Variants in CAMK1D observed in about 807,000 individuals in gnomAD.
CAMK1D encodes the protein calcium/calmodulin dependent protein kinase ID, also known as calcium/calmodulin-dependent protein kinase type 1D.
A neutral mutation model predicts 47.7 loss-of-function variants in CAMK1D; 9 were observed. That is an observed-to-expected ratio of 0.19 (90% confidence interval 0.11 to 0.33). CAMK1D has a LOEUF of 0.33. Among genes scored for constraint, CAMK1D ranks in the 10% least tolerant of loss-of-function variants. The pLI is 1.00. For synonymous variants in CAMK1D, 184 were observed against 184.9 expected (o/e 0.99, Z 0.04); for missense variants, 291 against 488.7 (o/e 0.60, Z 3.81).
chr10:12,499,238 C>CA (rs1834630118), intron 1 of CAMK1D, among the ~76,000 whole-genome samples: 1 of 152,096 alleles, frequency 6.6e-6, no homozygotes, highest in Non-Finnish European at 1.5e-5. Context: ...TCTCAGTACT[C>CA]AGAGGCTGAA....
chr10:12,486,005 A>G (rs1564367791), intron 1 of CAMK1D, among the ~76,000 whole-genome samples: 1 of 152,170 alleles, frequency 6.6e-6, no homozygotes, highest in Non-Finnish European at 1.5e-5. Flanking sequence ...GTGCCACAAG[A>G]TTAGCAGAGA....
At chr10:12,357,890 T>C (rs1837563080) in intron 1 of CAMK1D, among the ~76,000 whole-genome samples, 1 of 152,138 alleles carries the variant, frequency 6.6e-6, no homozygotes, top group Non-Finnish European at 1.5e-5. Flanking sequence ...TTCTTTTTTT[T>C]TGGTTTATTA....
At chr10:12,809,287 A>G (rs1187060142) in intron 6 of CAMK1D, among the ~76,000 whole-genome samples, 1 of 152,146 alleles carries the variant, frequency 6.6e-6, no homozygotes, top group African/African-American at 2.4e-5. Flanking sequence ...TGTCATTGAG[A>G]AATCAAAAAG....
intron 1 of CAMK1D, among the ~76,000 whole-genome samples, chr10:12,536,291 A>G (rs1835967813): frequency 6.6e-6 from 1 of 150,764 alleles, no homozygotes; most frequent in African/African-American, 2.4e-5. Context: ...ATTTTATTTT[A>G]TTTTTGAGAC....
rs1017320162 is a variant in CAMK1D, at chr10:12,364,500, C to A, written c.92+14590C>A. 2.6e-5 allele frequency among the ~76,000 whole-genome samples: 4 copies of A among 152,112 alleles called. No individual in the cohort carries two copies. The East Asian group carries it at 7.7e-4, about 29-fold the overall frequency. On this transcript the variant is annotated intron_variant, in intron 1 of 10. Transcript: ENST00000619168. ...TCAGGTGATCCGCCCACCTAGGCCTCCCGAAGTACTAGGATTACAGGCCTG... is the reference window on the plus strand; with the variant it reads ...TCAGGTGATCCGCCCACCTAGGCCTACCGAAGTACTAGGATTACAGGCCTG...
intron 1 of CAMK1D, among the ~76,000 whole-genome samples, chr10:12,532,824 G>A (rs895136015): frequency 2.6e-5 from 4 of 152,098 alleles, no homozygotes; most frequent in African/African-American, 7.2e-5. Flanking sequence ...ATCGTGTTAA[G>A]TGAAATAAGC....
chr10:12,744,018 G>A (rs1285038133), intron 3 of CAMK1D, among the ~76,000 whole-genome samples: 8 of 132,524 alleles, frequency 6.0e-5, no homozygotes, highest in African/African-American at 1.7e-4. Context: ...GTGAGACTCC[G>A]TTTCAAAAAA....
intron 5 of CAMK1D, among the ~76,000 whole-genome samples, chr10:12,780,287 G>A (rs908899815): frequency 2.6e-5 from 4 of 152,040 alleles, no homozygotes; most frequent in Non-Finnish European, 4.4e-5. Flanking sequence ...GAATGTAAGC[G>A]TCCTCCTCTG....
At chr10:12,361,816 A>G (rs1324603696) in intron 1 of CAMK1D, among the ~76,000 whole-genome samples, 4 of 152,056 alleles carry the variant, frequency 2.6e-5, no homozygotes, top group East Asian at 1.9e-4. Context: ...TTGGCCTCCC[A>G]AAGTGCTCGG....
At chr10:12,680,196 T>A (rs1336604449) in intron 3 of CAMK1D, among the ~76,000 whole-genome samples, 2 of 152,108 alleles carry the variant, frequency 1.3e-5, no homozygotes, top group Non-Finnish European at 2.9e-5. Flanking sequence ...GGAAAGAGAT[T>A]TGGGGGAGAT....
chr10:12,664,562 G>A (rs890887247), intron 2 of CAMK1D, among the ~76,000 whole-genome samples: 1 of 152,120 alleles, frequency 6.6e-6, no homozygotes, highest in Non-Finnish European at 1.5e-5. Flanking sequence ...TGGACTCTGG[G>A]GCTCAGACAG....
intron 3 of CAMK1D, among the ~76,000 whole-genome samples, chr10:12,716,450 G>A (rs1834140916): frequency 6.6e-6 from 1 of 152,128 alleles, no homozygotes; most frequent in South Asian, 2.1e-4. Flanking sequence ...CTACTGTTCC[G>A]TCTAGTGTTG....
At chr10:12,553,968 C>T (rs927017443) in intron 2 of CAMK1D, among the ~76,000 whole-genome samples, 1 of 152,232 alleles carries the variant, frequency 6.6e-6, no homozygotes, top group African/African-American at 2.4e-5. Context: ...GATGGTTTCT[C>T]CCATTCTCTG....
intron 1 of CAMK1D, among the ~76,000 whole-genome samples, chr10:12,525,100 G>A (rs745629416): frequency 4.7e-4 from 72 of 151,958 alleles, no homozygotes; most frequent in South Asian, 8.3e-4. Flanking sequence ...ACTCATTCTC[G>A]TCACATTTTC....
intron 1 of CAMK1D, among the ~76,000 whole-genome samples, chr10:12,372,495 C>T (rs577078241): frequency 1.3e-5 from 2 of 152,350 alleles, no homozygotes; most frequent in African/African-American, 4.8e-5. Context: ...AGTTTTGCCC[C>T]TTGAGCTCTT....
At chr10:12,620,689 G>T (rs1838973101) in intron 2 of CAMK1D, among the ~76,000 whole-genome samples, 2 of 152,134 alleles carry the variant, frequency 1.3e-5, no homozygotes, top group Admixed American at 1.3e-4. Context: ...GGGGTATGTG[G>T]TTTGCAAATA....
intron 1 of CAMK1D, among the ~76,000 whole-genome samples, chr10:12,551,638 T>A (rs1448759239): frequency 1.3e-5 from 2 of 152,052 alleles, no homozygotes; most frequent in African/African-American, 4.8e-5. Flanking sequence ...CTCAGGAAGC[T>A]GAGTCAGGAG....
chr10:12,799,248 T>C (rs1838323662), intron 6 of CAMK1D, among the ~76,000 whole-genome samples: 1 of 151,870 alleles, frequency 6.6e-6, no homozygotes, highest in Admixed American at 6.6e-5. Flanking sequence ...TGTTTTCTAG[T>C]CCATCTCAGA....
At chr10:12,820,744 C>T (rs1405997641) in intron 8 of CAMK1D, among the ~76,000 whole-genome samples, 2 of 152,200 alleles carry the variant, frequency 1.3e-5, no homozygotes, top group Admixed American at 1.3e-4. Flanking sequence ...CAGCCGGCCT[C>T]TTAGCAGATG....
Sources: gnomAD v4.1 joint callset for allele counts (sites outside exome capture counted in the v4.1 genomes callset) on GRCh38, gnomAD v4.1.1 for gene constraint, MANE v1.5 for transcripts, NCBI Gene and HGNC (gene_info 2026-07-23, HGNC 2026-07-21) for gene names.